The following KRABD4 variants were observed in gnomAD, a reference collection of about 807,000 sequenced individuals.
KRABD4 encodes KRAB domain-containing protein 4.
At chrX:46,464,572 T>C in the KRABD4 span, among the ~76,000 whole-genome samples, 1 of 112,244 alleles carries the variant, frequency 8.9e-6, no homozygotes, top group African/African-American at 3.2e-5. Context: ...CATTTGTGGC[T>C]CCCACCACTC....
chrX:46,457,828 C>CGGGTTCAAGCGATTGA, the KRABD4 span, among the ~76,000 whole-genome samples: 1 of 109,895 alleles, frequency 9.1e-6, no homozygotes, highest in Non-Finnish European at 1.9e-5. Context: ...CCGCAACCTC[C>CGGGTTCAAGCGATTGA]ACTTCTCGGG....
chrX:46,471,125 G>T, the KRABD4 span: 1 of 1,161,737 alleles, frequency 8.6e-7, no homozygotes, highest in Non-Finnish European at 1.1e-6. Context: ...TTGTGGATTT[G>T]TCTGTTTCTC....
chrX:46,463,133 G>C, the KRABD4 span: 1 of 1,108,504 alleles, frequency 9.0e-7, no homozygotes, highest in Non-Finnish European at 1.2e-6. Context: ...GCCTGCAGGG[G>C]TGGGCCTAGG....
chrX:46,469,295 T>C, the KRABD4 span, among the ~76,000 whole-genome samples: 1 of 112,475 alleles, frequency 8.9e-6, no homozygotes, highest in East Asian at 2.8e-4. Flanking sequence ...TGATGTGCAA[T>C]ATTGAGCCTT....
At chrX:46,456,624 A>G in the KRABD4 span, 1 of 286,984 alleles carries the variant, frequency 3.5e-6, no homozygotes, top group East Asian at 8.8e-5. Context: ...TCCCCATACC[A>G]GCCAGGAAGA....
the KRABD4 span, among the ~76,000 whole-genome samples, chrX:46,458,995 GAA>G: frequency 1.8e-5 from 2 of 110,199 alleles, no homozygotes; most frequent in Non-Finnish European, 3.8e-5. Flanking sequence ...TTGTCTAAGT[GAA>G]AAAAACCAAA....
the KRABD4 span, chrX:46,472,677 G>A: frequency 4.5e-6 from 5 of 1,116,438 alleles, no homozygotes; most frequent in Non-Finnish European, 6.1e-6. Flanking sequence ...TGGGCATTTA[G>A]GGATTAATGT....
the KRABD4 span, among the ~76,000 whole-genome samples, chrX:46,465,012 G>A: frequency 9.0e-5 from 10 of 111,471 alleles, no homozygotes; most frequent in East Asian, 2.8e-4. Flanking sequence ...TGCATTTTGC[G>A]GGTTTTCAGT....
chrX:46,447,835 T>C, the KRABD4 span, among the ~76,000 whole-genome samples: 6 of 111,235 alleles, frequency 5.4e-5, no homozygotes, highest in Non-Finnish European at 1.1e-4. Flanking sequence ...TCGTTTATCA[T>C]GTTTATTGTT....
chrX:46,450,921 T>C, the KRABD4 span, among the ~76,000 whole-genome samples: 1 of 110,116 alleles, frequency 9.1e-6, no homozygotes, highest in Non-Finnish European at 1.9e-5. Context: ...CAGGCTGGTT[T>C]TGAACTCCTG....
chrX:46,451,487 T>C, the KRABD4 span, among the ~76,000 whole-genome samples: 2 of 112,274 alleles, frequency 1.8e-5, no homozygotes, highest in Admixed American at 1.9e-4. Context: ...TATTTATGGA[T>C]ATTTAAGTTT....
At chrX:46,471,996 T>A in the KRABD4 span, 1 of 109,241 alleles carries the variant, frequency 9.2e-6, no homozygotes, top group Non-Finnish European at 1.9e-5. Context: ...AAGTTTGTAA[T>A]TTTTTTTTTA....
At chrX:46,465,469 G>A in the KRABD4 span, among the ~76,000 whole-genome samples, 2 of 113,119 alleles carry the variant, frequency 1.8e-5, no homozygotes, top group Non-Finnish European at 3.7e-5. Flanking sequence ...TCTACCTGTT[G>A]TAGAATGGGG....
chrX:46,456,612 A>G, the KRABD4 span: 1 of 284,615 alleles, frequency 3.5e-6, no homozygotes, highest in Admixed American at 3.7e-5. Context: ...AAATAGAATC[A>G]CTCCCCATAC....
chrX:46,448,347 A>G, the KRABD4 span: 1 of 112,384 alleles, frequency 8.9e-6, no homozygotes, highest in Admixed American at 9.3e-5. Context: ...ATCTGGTGCT[A>G]TAGTGATGGC....
the KRABD4 span, chrX:46,472,580 A>G: frequency 6.4e-6 from 3 of 470,447 alleles, no homozygotes; most frequent in Non-Finnish European, 1.1e-5. Context: ...ATTTCTCTGT[A>G]CTTGCACTCA....
At chrX:46,467,091 G>A in the KRABD4 span, among the ~76,000 whole-genome samples, 1 of 112,119 alleles carries the variant, frequency 8.9e-6, no homozygotes, top group Non-Finnish European at 1.9e-5. Context: ...ATCTGTCGAT[G>A]GACCAGTTAA....
chrX:46,458,918 G>A, the KRABD4 span, among the ~76,000 whole-genome samples: 1 of 111,563 alleles, frequency 9.0e-6, no homozygotes, highest in African/African-American at 3.3e-5. Flanking sequence ...TAAATAAATT[G>A]CCACATCCAT....
At chrX:46,464,825 C>T in the KRABD4 span, among the ~76,000 whole-genome samples, 213 of 111,906 alleles carry the variant, frequency 1.9e-3, 2 homozygotes, top group African/African-American at 6.6e-3. Flanking sequence ...CTAAGAAAAA[C>T]TATATTATAT....
Sources: allele counts gnomAD v4.1 joint callset (sites outside exome capture counted in the v4.1 genomes callset), GRCh38; gene constraint gnomAD v4.1.1; transcripts MANE v1.5; gene names NCBI Gene and HGNC (gene_info 2026-07-23, HGNC 2026-07-21).